U2AF2: variants seen among roughly 807,000 people sequenced by gnomAD.
U2AF2 encodes splicing factor U2AF 65 kDa subunit.
In U2AF2, 6 loss-of-function variants were observed where a neutral mutation model predicts 52.6. The ratio of observed to expected loss-of-function variants is 0.11; its 90% confidence interval spans 0.06 to 0.23. U2AF2 has a LOEUF of 0.23. Ranked by LOEUF, U2AF2 falls within the 10% of genes least tolerant of loss-of-function variation. The pLI is 1.00. For synonymous variants in U2AF2, 284 were observed against 258.2 expected, an observed-to-expected ratio of 1.10 and a Z score of -0.96; for missense variants, 222 against 677.1, an observed-to-expected ratio of 0.33 and a Z score of 7.46.
chr19:55,658,934 G>A lies in U2AF2; in HGVS notation c.50-276G>A, dbSNP rs1291985047. On this transcript the variant is annotated intron_variant, in intron 1 of 11. Coordinates refer to ENST00000308924, the MANE Select transcript of U2AF2 (RefSeq NM_007279.3). ...AGCCCTCGAGGGGGACCAGGAGCCA[G>A]CCTCCTCTGTCTTCTCTGGCTCCCC... 1.0e-5 allele frequency: 4 copies of A among 382,278 alleles called. No homozygotes were observed. The East Asian group carries it at 1.7e-4, about 16-fold the overall frequency. 23.7% of individuals were successfully genotyped at this position (382,278 alleles called of 1,614,324 possible).
intron 5 of U2AF2, 76 bp downstream of exon 5, chr19:55,661,265 C>G: frequency 1.4e-6 from 2 of 1,393,210 alleles, no homozygotes; most frequent in East Asian, 2.9e-5. Context: ...ATTCCCTTTC[C>G]CCAACCTGCA....
Position 55,660,629 on chromosome 19 carries a change from T to G in U2AF2, c.334+10T>G, listed in dbSNP as rs1019712726. 1.9e-6 allele frequency: 3 copies of G among 1,611,058 alleles called. No individual in the cohort carries two copies. The highest frequency in any genetic ancestry group is 1.1e-5 in the South Asian group (1 of 90,892). On this transcript the variant is annotated intron_variant, in intron 4 of 11. Transcript: ENST00000308924. ...TACAAGGCCATGCAAGGTAGGCCCC[T>G]GGCCAGGCTGCTCCCAGAGCGGGAG...
intron 1 of U2AF2, among the ~76,000 whole-genome samples, chr19:55,656,445 G>A (rs754673623): frequency 6.6e-6 from 1 of 152,226 alleles, no homozygotes; most frequent in Non-Finnish European, 1.5e-5. Flanking sequence ...ACATCAGGAA[G>A]TTTAGATACC....
intron 1 of U2AF2, among the ~76,000 whole-genome samples, chr19:55,658,176 G>A (rs950383042): frequency 2.0e-5 from 3 of 152,092 alleles, no homozygotes; most frequent in Non-Finnish European, 4.4e-5. Flanking sequence ...CAGGAGATGC[G>A]TGTTAACATA....
At chr19:55,667,820 CTG>C (rs746267663) in intron 7 of U2AF2, among the ~76,000 whole-genome samples, 15 of 150,778 alleles carry the variant, frequency 9.9e-5, no homozygotes, top group African/African-American at 2.2e-4. Flanking sequence ...GAGTCTCACT[CTG>C]TTGCTCAGGC....
chr19:55,657,138 T>C (rs1409089020), intron 1 of U2AF2, among the ~76,000 whole-genome samples: 2 of 152,260 alleles, frequency 1.3e-5, no homozygotes, highest in African/African-American at 4.8e-5. Context: ...GGCTCTCAGA[T>C]GGTGCTTCAC....
intron 11 of U2AF2, among the ~76,000 whole-genome samples, chr19:55,672,267 GTTCC>G (rs1439131080): frequency 1.3e-5 from 2 of 152,074 alleles, no homozygotes; most frequent in African/African-American, 4.8e-5. Flanking sequence ...ATATTTTGGT[GTTCC>G]TTCATCTGGC....
At chr19:55,655,271 C>T (rs1983703946) in intron 1 of U2AF2, 118 bp downstream of exon 1, 1 of 1,141,460 alleles carries the variant, frequency 8.8e-7, no homozygotes, top group Non-Finnish European at 1.2e-6. Context: ...GCCCCCCAAC[C>T]CTGGTTCCGT....
Position 55,660,539 on chromosome 19 carries a change from A to G in U2AF2, c.254A>G (p.Lys85Arg), listed in dbSNP as rs1984115536. The G allele has an allele frequency of 1.3e-6, 2 of 1,597,108 alleles. No individual in the cohort carries two copies. Among genetic ancestry groups the G allele is most frequent in the African/African-American group, 1.4e-5 (1 of 73,566 alleles). The part of the protein sequence containing the change: ...GLIRSPRHEK[K>R]KKVRKYWDVP... ...AGTCGTTCCCCCCGCCACGAGAAGA[A>G]GAAGAAGGTCCGTAAATACTGGGAC... The change falls in exon 4 of 12, where the codon AAG becomes AGG. Residue 85 changes from lysine to arginine, a missense_variant. Physicochemically the swap from Lys to Arg is conservative, Grantham distance 26. Around this residue, in one of 4 missense-constraint regions of U2AF2, gnomAD observed 100 missense variants for 144.1 expected, o/e 0.69. Transcript: ENST00000308924.
chr19:55,656,929 A>G (rs1183980887), intron 1 of U2AF2, among the ~76,000 whole-genome samples: 5 of 152,234 alleles, frequency 3.3e-5, no homozygotes, highest in Non-Finnish European at 7.3e-5. Context: ...TGCTTTCCAA[A>G]TGTCATTCTG....
At chr19:55,661,618 G>A (rs1984211539) in intron 5 of U2AF2, among the ~76,000 whole-genome samples, 1 of 142,332 alleles carries the variant, frequency 7.0e-6, no homozygotes, top group Non-Finnish European at 1.5e-5. Context: ...TCTCCCCCAC[G>A]TCCCTCCCAT....
chr19:55,663,403 G>T (rs757315505), intron 6 of U2AF2, among the ~76,000 whole-genome samples: 2 of 152,210 alleles, frequency 1.3e-5, no homozygotes, highest in African/African-American at 4.8e-5. Flanking sequence ...TGTGTTGGGT[G>T]CCTGGTGTTT....
chr19:55,667,827 T>C (rs964997420), intron 7 of U2AF2, among the ~76,000 whole-genome samples: 4 of 151,318 alleles, frequency 2.6e-5, no homozygotes, highest in South Asian at 2.1e-4. Flanking sequence ...ACTCTGTTGC[T>C]CAGGCTGGAG....
rs1342815413 is a variant in U2AF2, at chr19:55,668,880, G to A, written c.945+88G>A. The A allele has an allele frequency of 1.0e-5, 16 of 1,546,010 alleles. No homozygotes were observed. The highest frequency in any genetic ancestry group is 6.0e-5 in the South Asian group (5 of 82,800). On this transcript the variant is annotated intron_variant, in intron 9 of 11. Coordinates refer to ENST00000308924, the MANE Select transcript of U2AF2 (RefSeq NM_007279.3). This position sits in a 1 kb window ranked among gnomAD's most constrained non-coding sequence, Gnocchi z 5.5. ...CCATGGTCTCCCCTCCTCAGGGGACGGGGCGGGAGGCGGCCAACCTGAGGC... is the reference window on the plus strand; with the variant it reads ...CCATGGTCTCCCCTCCTCAGGGGACAGGGCGGGAGGCGGCCAACCTGAGGC...
At chr19:55,656,749 C>G (rs1334461082) in intron 1 of U2AF2, among the ~76,000 whole-genome samples, 1 of 152,184 alleles carries the variant, frequency 6.6e-6, no homozygotes, top group Non-Finnish European at 1.5e-5. Flanking sequence ...CTCAGCTAGT[C>G]AGAGGCAGAG....
chr19:55,656,127 G>C (rs186280830), intron 1 of U2AF2, among the ~76,000 whole-genome samples: 1 of 152,274 alleles, frequency 6.6e-6, no homozygotes, highest in Non-Finnish European at 1.5e-5. Context: ...CTGATCTTAG[G>C]GATTCCAATA....
rs1200506332 is a variant in U2AF2 at position 55,659,364 on chromosome 19, C to A, written c.185+19C>A. 4 of 1,470,916 alleles carry A rather than the reference C, an allele frequency of 2.7e-6. No individual in the cohort carries two copies. Among genetic ancestry groups the A allele is most frequent in the Non-Finnish European group, 3.6e-6 (4 of 1,103,160 alleles). 91.1% of individuals were successfully genotyped at this position (1,470,916 alleles called of 1,614,324 possible). On this transcript the variant is annotated intron_variant, in intron 2 of 11. Transcript: ENST00000308924. ...GACGCAGGTACTAGGGCTCAGGGAT[C>A]CCCTGGGCCAGCCTGGGAGTCGGGG... is the stretch of plus-strand genomic sequence containing the variant.
chr19:55,660,497 C>A lies in U2AF2; in HGVS notation c.231-19C>A. On this transcript the variant is annotated intron_variant, in intron 3 of 11. Transcript: ENST00000308924. The stretch of plus-strand genomic sequence containing the variant: ...GACTGAGGTTGCCCTGCCCCGCTCT[C>A]CCCTCCCACCTCCCCCAGTCGTTCC... 1.3e-6 allele frequency: 1 copy of A among 750,826 alleles called. No homozygotes were observed. The highest frequency in any genetic ancestry group is 2.3e-6 in the Non-Finnish European group (1 of 425,582). The allele number at this position is 750,826 out of a possible 1,614,324, so 46.5% of individuals were successfully genotyped here. A position where few individuals can be genotyped will look rare whatever the true frequency, so the allele number is the denominator to read the frequency against.
chr19:55,655,157 A>C lies in U2AF2; in HGVS notation c.49+4A>C, dbSNP rs1174613886. ...CAGCTCAACGAGAATAAACAAGGTG[A>C]GGGCACCGGGGTCGCGGGGCGGAGG... On this transcript the variant is annotated splice_donor_region_variant and intron_variant, in intron 1 of 11. Coordinates refer to ENST00000308924, the MANE Select transcript of U2AF2 (RefSeq NM_007279.3). The C allele has an allele frequency of 6.2e-7, 1 of 1,602,392 alleles. No homozygotes were observed. Among genetic ancestry groups the C allele is most frequent in the South Asian group, 1.1e-5 (1 of 90,392 alleles).
Sources: allele counts gnomAD v4.1 joint callset (sites outside exome capture counted in the v4.1 genomes callset), GRCh38; gene constraint gnomAD v4.1.1; regional missense constraint gnomAD v4.1.1; non-coding constraint Gnocchi (gnomAD v3.1); transcripts MANE v1.5; gene names NCBI Gene and HGNC (gene_info 2026-07-23, HGNC 2026-07-21).